The following DLG2 variants were observed in gnomAD, a reference collection of about 807,000 sequenced individuals.
DLG2 encodes disks large homolog 2.
In DLG2, 45 loss-of-function variants were observed where a neutral mutation model predicts 132.5. That is an observed-to-expected ratio of 0.34 (90% CI 0.27 to 0.44). The LOEUF (loss-of-function observed/expected upper bound fraction) is 0.44, where lower values mean the gene tolerates loss of function less well. Ranked by LOEUF, DLG2 falls within the 20% of genes least tolerant of loss-of-function variation. The pLI, the probability that DLG2 is intolerant of heterozygous loss-of-function variation, is 1.00. For synonymous variants in DLG2, 424 were observed against 419.6 expected (o/e 1.01, Z -0.13); for missense variants, 1,045 against 1,196.9 (o/e 0.87, Z 1.87).
intron 3 of DLG2, among the ~76,000 whole-genome samples, chr11:85,431,827 T>C (rs989099813): frequency 1.3e-5 from 2 of 152,206 alleles, no homozygotes; most frequent in Non-Finnish European, 2.9e-5. Flanking sequence ...AAGTGCTTCA[T>C]TAAACAGGTC....
At chr11:84,892,113 G>A (rs993451071) in intron 6 of DLG2, among the ~76,000 whole-genome samples, 2 of 152,144 alleles carry the variant, frequency 1.3e-5, no homozygotes, top group African/African-American at 4.8e-5. Context: ...ATAGTACTGA[G>A]TATTATTTCA....
At position 85,349,498 on chromosome 11, in the gene DLG2, GT is replaced by G. The variant is rs1426133624; in HGVS notation, c.41-64134del. ...ACATAGGTATACATGTGCCATGTTG[GT>G]TTGCTGCACCCAACAACTCATCATT... On this transcript the variant is annotated intron_variant, in intron 3 of 27. Transcript: ENST00000376104. Among the ~76,000 whole-genome samples, 8 of 152,100 alleles carry G rather than the reference GT, an allele frequency of 5.3e-5. No individual in the cohort carries two copies. The East Asian group carries it at 1.5e-3, about 29-fold the overall frequency.
intron 8 of DLG2, among the ~76,000 whole-genome samples, chr11:84,223,325 G>A (rs749503620): frequency 1.7e-4 from 26 of 152,008 alleles, no homozygotes; most frequent in Admixed American, 4.6e-4. Flanking sequence ...GTTTTTCTGC[G>A]CATGGGATTC....
chr11:84,140,703 T>C (rs1255378632), intron 9 of DLG2, among the ~76,000 whole-genome samples: 1 of 152,312 alleles, frequency 6.6e-6, no homozygotes, highest in East Asian at 1.9e-4. Context: ...AATGTATCTC[T>C]ATCTACCTAC....
chr11:84,818,106 T>A (rs2077265826), intron 6 of DLG2, among the ~76,000 whole-genome samples: 1 of 152,054 alleles, frequency 6.6e-6, no homozygotes, highest in African/African-American at 2.4e-5. Flanking sequence ...AATATTTCTA[T>A]ACTATTTCAT....
At chr11:84,143,894 G>A (rs946598283) in intron 9 of DLG2, among the ~76,000 whole-genome samples, 7 of 152,078 alleles carry the variant, frequency 4.6e-5, no homozygotes, top group Admixed American at 4.6e-4. Context: ...AAAATTAAAG[G>A]GTTTGGGGAT....
intron 6 of DLG2, among the ~76,000 whole-genome samples, chr11:84,601,079 G>C (rs557562800): frequency 6.6e-6 from 1 of 152,092 alleles, no homozygotes; most frequent in East Asian, 1.9e-4. Flanking sequence ...CTATGCTGAA[G>C]CTATCTCTAC....
At position 84,257,266 on chromosome 11, in the gene DLG2, C is replaced by A. The variant is rs775858086; in HGVS notation, c.520-5975G>T. On this transcript the variant is annotated intron_variant, in intron 7 of 27. Transcript: ENST00000376104. ...ACGAAACTCTGTCTTTCCTCTCCTTCTTTTCCACAATCTTTTAGGCTGGAG... is the reference window on the plus strand; with the variant it reads ...ACGAAACTCTGTCTTTCCTCTCCTTATTTTCCACAATCTTTTAGGCTGGAG... Among the ~76,000 whole-genome samples the A allele has an allele frequency of 4.1e-4, 63 of 152,088 alleles. 1 individual carries two copies. The highest frequency in any genetic ancestry group is 4.6e-4 in the Admixed American group (7 of 15,278).
intron 8 of DLG2, among the ~76,000 whole-genome samples, chr11:84,214,755 A>G (rs1441733491): frequency 1.3e-5 from 2 of 152,152 alleles, no homozygotes; most frequent in Non-Finnish European, 2.9e-5. Flanking sequence ...AGATTAACCA[A>G]CTGTCTGGAA....
chr11:84,685,914 C>G (rs983981122), intron 6 of DLG2, among the ~76,000 whole-genome samples: 2 of 152,160 alleles, frequency 1.3e-5, no homozygotes, highest in African/African-American at 4.8e-5. Context: ...GTCTCGATCT[C>G]TTGACCTCGT....
At chr11:84,110,102 C>G (rs766209079) in intron 9 of DLG2, among the ~76,000 whole-genome samples, 1 of 152,126 alleles carries the variant, frequency 6.6e-6, no homozygotes, top group Non-Finnish European at 1.5e-5. Flanking sequence ...TCAAAAACAA[C>G]AAATCTCAAA....
At chr11:84,722,584 C>T (rs2061954421) in intron 6 of DLG2, among the ~76,000 whole-genome samples, 1 of 152,042 alleles carries the variant, frequency 6.6e-6, no homozygotes, top group Non-Finnish European at 1.5e-5. Flanking sequence ...ATTATGAAGC[C>T]CAACCCTACA....
chr11:83,797,793 C>T (rs150268825), intron 17 of DLG2, among the ~76,000 whole-genome samples: 1,598 of 152,314 alleles, frequency 0.01, 35 homozygotes, highest in African/African-American at 0.036. Flanking sequence ...GCTGGGAATA[C>T]AGGCGTGAGC....
chr11:85,535,703 T>G (rs1166877885), intron 3 of DLG2, among the ~76,000 whole-genome samples: 1 of 152,164 alleles, frequency 6.6e-6, no homozygotes, highest in African/African-American at 2.4e-5. Flanking sequence ...GCAGCATTAT[T>G]CAAAATAGCC....
At chr11:83,631,173 T>G (rs905369839) in intron 19 of DLG2, 2 of 149,486 alleles carry the variant, frequency 1.3e-5, no homozygotes, top group African/African-American at 4.9e-5. Context: ...CTTGCTTTTT[T>G]TTTTTTTTTT....
chr11:83,581,556 T>A (rs1264715111), intron 19 of DLG2, among the ~76,000 whole-genome samples: 3 of 152,234 alleles, frequency 2.0e-5, no homozygotes, highest in African/African-American at 7.2e-5. Flanking sequence ...GGTGTTCATT[T>A]ATCAAATAAT....
chr11:85,036,100 G>A lies in DLG2; in HGVS notation c.357+75561C>T, dbSNP rs1593048067. 5.3e-5 allele frequency among the ~76,000 whole-genome samples: 8 copies of A among 152,272 alleles called. No individual in the cohort carries two copies. The South Asian group carries it at 1.7e-3, about 32-fold the overall frequency. ...TAGCTTCCTTATGCATAAAATGGAA[G>A]AAAAGCATAGTGCCTATCTCAAAAT... On this transcript the variant is annotated intron_variant, in intron 6 of 27. Transcript: ENST00000376104.
At chr11:84,099,447 G>A (rs1035512191) in intron 9 of DLG2, among the ~76,000 whole-genome samples, 2 of 151,982 alleles carry the variant, frequency 1.3e-5, no homozygotes, top group African/African-American at 4.8e-5. Flanking sequence ...TTTAATAGAA[G>A]AGTGAACTTG....
Position 85,588,549 on chromosome 11 carries a change from A to G in DLG2, c.40+10108T>C, listed in dbSNP as rs1292760071. The stretch of plus-strand genomic sequence containing the variant: ...GTTGTGATTGTTTTTTCTTTACAAT[A>G]TCTATTTCTCTGTAGCATTTTTCAT... On this transcript the variant is annotated intron_variant, in intron 3 of 27. Coordinates refer to ENST00000376104, the MANE Select transcript of DLG2 (RefSeq NM_001142699.3). 3.3e-5 allele frequency among the ~76,000 whole-genome samples: 5 copies of G among 152,114 alleles called. No individual in the cohort carries two copies. The East Asian group carries it at 7.7e-4, about 23-fold the overall frequency.
Sources: allele counts gnomAD v4.1 joint callset (sites outside exome capture counted in the v4.1 genomes callset), GRCh38; gene constraint gnomAD v4.1.1; transcripts MANE v1.5; gene names NCBI Gene and HGNC (gene_info 2026-07-23, HGNC 2026-07-21).